The following FAM3D variants were observed in gnomAD, a reference collection of about 807,000 sequenced individuals.
The protein encoded by FAM3D is FAM3 metabolism regulating signaling molecule D.
Under a neutral mutation model 29.8 loss-of-function variants are expected in FAM3D, and 26 were observed. The observed-to-expected ratio is 0.87, with a 90% CI of 0.64 to 1.21. FAM3D has a LOEUF of 1.21. FAM3D is among the 50% of genes most tolerant of loss of function. The pLI, the probability that FAM3D is intolerant of heterozygous loss-of-function variation, is 0.00. For missense variants in FAM3D, 253 were observed against 290.9 expected, an observed-to-expected ratio of 0.87 and a Z score of 0.95; for synonymous variants, 115 against 102.3, an observed-to-expected ratio of 1.12 and a Z score of -0.75.
At chr3:58,664,638 A>G (rs1312795012) in intron 1 of FAM3D, among the ~76,000 whole-genome samples, 1 of 152,260 alleles carries the variant, frequency 6.6e-6, no homozygotes, top group Admixed American at 6.5e-5. Context: ...CCAATAAGAT[A>G]GGCAACTTGC....
At chr3:58,646,023 C>T (rs1380629694) in intron 4 of FAM3D, among the ~76,000 whole-genome samples, 5 of 152,164 alleles carry the variant, frequency 3.3e-5, no homozygotes, top group Admixed American at 6.5e-5. Context: ...GGGACCCTGG[C>T]GGGGTGAGTG....
intron 6 of FAM3D, 28 bp from the exon 7 acceptor site, chr3:58,640,205 C>T (rs1267112030): frequency 1.2e-6 from 2 of 1,612,612 alleles, no homozygotes; most frequent in African/African-American, 2.7e-5. Flanking sequence ...AACGATTATC[C>T]CCTGTAACAC....
chr3:58,654,420 C>T lies in FAM3D; in HGVS notation c.14-639G>A, dbSNP rs530131934. Among the ~76,000 whole-genome samples, 6 of 152,328 alleles carry T rather than the reference C, an allele frequency of 3.9e-5. No individual in the cohort carries two copies. The East Asian group carries it at 7.7e-4, about 20-fold the overall frequency. Reference sequence around the variant, plus strand: ...CTCCCTCAAGGCCTCCACAAATAACCGCACACTGGACTTGCTGTGCAGCTT... The same window carrying T: ...CTCCCTCAAGGCCTCCACAAATAACTGCACACTGGACTTGCTGTGCAGCTT... On this transcript the variant is annotated intron_variant, in intron 2 of 9. Transcript: ENST00000358781.
At position 58,637,179 on chromosome 3, in the gene FAM3D, T is replaced by G; in HGVS notation, c.420A>C (p.Ala140=). 1 of 1,614,032 alleles carries G rather than the reference T, an allele frequency of 6.2e-7. No homozygotes were observed. Among genetic ancestry groups the G allele is most frequent in the Non-Finnish European group, 8.5e-7 (1 of 1,179,992 alleles). ...VKFLKEIPGG[A]LVLVASYDDP... Reference sequence around the variant, plus strand: ...CGTCGTAGGAGGCCACCAGCACCAGTGCACCCCCCGGAATTTCTTTAAGGA... The same window carrying G: ...CGTCGTAGGAGGCCACCAGCACCAGGGCACCCCCCGGAATTTCTTTAAGGA... Residue 140 remains alanine, a synonymous_variant, in exon 8 of 10, where the codon GCA becomes GCC. Transcript: ENST00000358781.
rs113065406 is a variant in FAM3D at position 58,639,961 on chromosome 3, G to C, written c.373+166C>G. Among the ~76,000 whole-genome samples the C allele has an allele frequency of 8.3e-4, 126 of 152,212 alleles. 1 individual carries two copies. The highest frequency in any genetic ancestry group is 2.8e-3 in the African/African-American group (117 of 41,524). ...AACTGAGATGGCCAGAAGGAGTTTC[G>C]AAAGCAGCAGGACACCCTCAACCCC... On this transcript the variant is annotated intron_variant, in intron 7 of 9. Coordinates refer to ENST00000358781, the MANE Select transcript of FAM3D (RefSeq NM_138805.3).
chr3:58,655,994 C>A (rs1231650963), intron 1 of FAM3D, among the ~76,000 whole-genome samples: 2 of 152,138 alleles, frequency 1.3e-5, no homozygotes, highest in Non-Finnish European at 2.9e-5. Flanking sequence ...TCCATCCATC[C>A]TCTATCTGTT....
At chr3:58,660,721 G>A (rs144146580) in intron 1 of FAM3D, among the ~76,000 whole-genome samples, 2,252 of 152,218 alleles carry the variant, frequency 0.015, 33 homozygotes, top group African/African-American at 0.021. Context: ...AAATGTGCAG[G>A]ATTTTTAGGG....
rs1329377343 is a variant in FAM3D at position 58,649,308 on chromosome 3, TACTC to T, written c.145+3_145+6del. 7 of 1,613,330 alleles carry T rather than the reference TACTC, an allele frequency of 4.3e-6. No individual in the cohort carries two copies. In the South Asian group the frequency reaches 4.4e-5, roughly 10 times the overall value. On this transcript the variant is annotated splice_donor_5th_base_variant and intron_variant, in intron 4 of 9. Coordinates refer to ENST00000358781, the MANE Select transcript of FAM3D (RefSeq NM_138805.3). Reference sequence around the variant, plus strand: ...CGGGGGAGGTGTGGGGCTGCACAGATACTCACGGATCTCCTTGGTGGGCGAGGCT... The same window carrying T: ...CGGGGGAGGTGTGGGGCTGCACAGATACGGATCTCCTTGGTGGGCGAGGCT...
intron 5 of FAM3D, among the ~76,000 whole-genome samples, chr3:58,644,882 G>A (rs917315789): frequency 6.6e-5 from 10 of 152,206 alleles, no homozygotes; most frequent in African/African-American, 2.4e-4. Context: ...CCTGAAGCCT[G>A]CCTACCACCC....
At chr3:58,650,758 C>T (rs1462007150) in intron 3 of FAM3D, among the ~76,000 whole-genome samples, 1 of 152,194 alleles carries the variant, frequency 6.6e-6, no homozygotes, top group Admixed American at 6.5e-5. Flanking sequence ...CGCTCCGTCG[C>T]CCAGGCTGGA....
At position 58,645,747 on chromosome 3, in the gene FAM3D, T is replaced by TG. The variant is rs1434464017; in HGVS notation, c.146-122dup. ...TGGGATGAAGCTCAGAGCCTCTTTC[T>TG]GGGGGAGCCTTCGCTGATTGCAAAG... is the stretch of plus-strand genomic sequence containing the variant. On this transcript the variant is annotated intron_variant, in intron 4 of 9. Coordinates refer to ENST00000358781, the MANE Select transcript of FAM3D (RefSeq NM_138805.3). 6.0e-6 allele frequency: 5 copies of TG among 838,520 alleles called. No individual in the cohort carries two copies. The East Asian group carries it at 1.2e-4, about 20-fold the overall frequency. The allele number at this position is 838,520 out of a possible 1,614,324, so 51.9% of individuals were successfully genotyped here.
chr3:58,645,696 G>C (rs555583943), intron 4 of FAM3D, 70 bp from the exon 5 acceptor site: 6 of 1,259,012 alleles, frequency 4.8e-6, no homozygotes, highest in African/African-American at 1.5e-5. Context: ...GGAGGGGAGG[G>C]CCAGGGCTAG....
intron 3 of FAM3D, among the ~76,000 whole-genome samples, chr3:58,650,786 C>T (rs930949795): frequency 3.3e-4 from 50 of 152,274 alleles, no homozygotes; most frequent in South Asian, 1.5e-3. Context: ...GGCGCGATCT[C>T]GGCTCACTGC....
Position 58,643,735 on chromosome 3 carries a change from G to A in FAM3D, c.264-15C>T. On this transcript the variant is annotated splice_polypyrimidine_tract_variant and intron_variant, in intron 5 of 9. Transcript: ENST00000358781. Reference sequence around the variant, plus strand: ...GACTCATGATCCTGAAGACAATGAAGAAGAAATATGACAGTCGGTCCCGAG... The same window carrying A: ...GACTCATGATCCTGAAGACAATGAAAAAGAAATATGACAGTCGGTCCCGAG... 1 of 1,613,758 alleles carries A rather than the reference G, an allele frequency of 6.2e-7. No homozygotes were observed. Among genetic ancestry groups the A allele is most frequent in the Middle Eastern group, 1.7e-4 (1 of 5,948 alleles).
At chr3:58,650,329 C>G (rs1464924069) in intron 3 of FAM3D, among the ~76,000 whole-genome samples, 1 of 152,172 alleles carries the variant, frequency 6.6e-6, no homozygotes, top group Non-Finnish European at 1.5e-5. Context: ...CTGGGTCAAT[C>G]ATACTATTAC....
At chr3:58,654,176 G>A (rs1346406050) in intron 2 of FAM3D, among the ~76,000 whole-genome samples, 1 of 152,254 alleles carries the variant, frequency 6.6e-6, no homozygotes, top group Non-Finnish European at 1.5e-5. Flanking sequence ...GCCCTGGAAA[G>A]GGAGTCAGGA....
chr3:58,649,624 G>A (rs1420396825), intron 3 of FAM3D, among the ~76,000 whole-genome samples: 1 of 151,930 alleles, frequency 6.6e-6, no homozygotes, highest in Non-Finnish European at 1.5e-5. Flanking sequence ...AGACACACAG[G>A]TATGGTCACA....
At chr3:58,649,099 C>T (rs2066554861) in intron 4 of FAM3D, among the ~76,000 whole-genome samples, 1 of 151,850 alleles carries the variant, frequency 6.6e-6, no homozygotes, top group Admixed American at 6.5e-5. Context: ...GTCTGAATGA[C>T]TGAGAGGGGG....
At chr3:58,659,205 T>C (rs2066885140) in intron 1 of FAM3D, among the ~76,000 whole-genome samples, 1 of 152,234 alleles carries the variant, frequency 6.6e-6, no homozygotes, top group Admixed American at 6.5e-5. Flanking sequence ...CTCTTCCCTG[T>C]TGACAGGCCC....
Sources: gnomAD v4.1 joint callset for allele counts (sites outside exome capture counted in the v4.1 genomes callset) on GRCh38, gnomAD v4.1.1 for gene constraint, MANE v1.5 for transcripts, NCBI Gene and HGNC (gene_info 2026-07-23, HGNC 2026-07-21) for gene names.